The following APBA1 variants were observed in gnomAD, a reference collection of about 807,000 sequenced individuals.
APBA1 encodes the protein amyloid beta precursor protein binding family A member 1, also known as amyloid-beta A4 precursor protein-binding family A member 1.
Under a neutral mutation model 86.6 loss-of-function variants are expected in APBA1, and 55 were observed. The ratio of observed to expected loss-of-function variants is 0.64; its 90% CI spans 0.51 to 0.80. The LOEUF is 0.80. Among genes scored for constraint, APBA1 ranks in the 30% least tolerant of loss-of-function variants. APBA1 has a pLI of 0.00. For missense variants in APBA1, 1,090 were observed against 1,183.0 expected, an observed-to-expected ratio of 0.92 and a Z score of 1.15; for synonymous variants, 511 against 493.9, an observed-to-expected ratio of 1.03 and a Z score of -0.46.
intron 1 of APBA1, among the ~76,000 whole-genome samples, chr9:69,647,373 C>T (rs1382621276): frequency 6.6e-6 from 1 of 152,198 alleles, no homozygotes; most frequent in African/African-American, 2.4e-5. Flanking sequence ...GATAAAGTAT[C>T]TAAGTCTCAG....
chr9:69,613,133 AT>A (rs1822622363), intron 1 of APBA1, among the ~76,000 whole-genome samples: 1 of 152,074 alleles, frequency 6.6e-6, no homozygotes, highest in South Asian at 2.1e-4. Context: ...TTAGAAGGAA[AT>A]TATTTATGTC....
At chr9:69,450,436 G>A (rs1564033538) in intron 9 of APBA1, among the ~76,000 whole-genome samples, 1 of 152,118 alleles carries the variant, frequency 6.6e-6, no homozygotes. Context: ...ACTCTGGGGA[G>A]GCCTGCAGAT....
At chr9:69,669,839 G>A (rs56165701) in intron 1 of APBA1, among the ~76,000 whole-genome samples, 13,898 of 152,180 alleles carry the variant, frequency 0.091, 704 homozygotes, top group Middle Eastern at 0.13. Flanking sequence ...CTGAGTCATC[G>A]ATTTTGCTGC....
chr9:69,430,027 C>G lies in APBA1; in HGVS notation c.*1300G>C, dbSNP rs1264813182. The stretch of plus-strand genomic sequence containing the variant: ...CACCTGATGAAAACACGGAACAATT[C>G]CACACCAGCCAAAAATGCTCTCAGG... On this transcript the variant is annotated 3_prime_UTR_variant, in exon 13 of 13. Transcript: ENST00000265381. 6.6e-6 allele frequency: 1 copy of G among 152,142 alleles called. No individual in the cohort carries two copies. The highest frequency in any genetic ancestry group is 1.5e-5 in the Non-Finnish European group (1 of 68,034). The allele number at this position is 152,142 out of a possible 1,614,324, so 9.4% of individuals were successfully genotyped here.
At chr9:69,642,551 G>A (rs563294738) in intron 1 of APBA1, among the ~76,000 whole-genome samples, 10 of 152,216 alleles carry the variant, frequency 6.6e-5, no homozygotes, top group African/African-American at 1.2e-4. Context: ...TGGCAATCTA[G>A]TGGTTAATTT....
At chr9:69,658,712 C>T (rs1823693296) in intron 1 of APBA1, among the ~76,000 whole-genome samples, 1 of 151,952 alleles carries the variant, frequency 6.6e-6, no homozygotes, top group African/African-American at 2.4e-5. Flanking sequence ...TCCTCAAGTC[C>T]CTACTTTCAA....
At chr9:69,585,429 T>C (rs1821997751) in intron 1 of APBA1, among the ~76,000 whole-genome samples, 1 of 152,172 alleles carries the variant, frequency 6.6e-6, no homozygotes, top group African/African-American at 2.4e-5. Flanking sequence ...CTTCCTTCAT[T>C]CTTGCCAGGG....
intron 1 of APBA1, among the ~76,000 whole-genome samples, chr9:69,590,123 C>T (rs1822101925): frequency 1.3e-5 from 2 of 152,170 alleles, no homozygotes; most frequent in Admixed American, 1.3e-4. Context: ...AGTTTCTATC[C>T]CTGTGCTCAT....
intron 1 of APBA1, among the ~76,000 whole-genome samples, chr9:69,662,389 G>A (rs1475348261): frequency 1.3e-5 from 2 of 152,162 alleles, no homozygotes; most frequent in Non-Finnish European, 2.9e-5. Context: ...TTTAGTCACT[G>A]GATGGGGAAT....
chr9:69,498,504 G>A (rs750723949), intron 2 of APBA1, among the ~76,000 whole-genome samples: 1 of 152,116 alleles, frequency 6.6e-6, no homozygotes, highest in Non-Finnish European at 1.5e-5. Context: ...CACTAAATAA[G>A]GATTCAGATG....
At chr9:69,468,870 CT>C (rs5898082) in intron 4 of APBA1, among the ~76,000 whole-genome samples, 92 of 147,094 alleles carry the variant, frequency 6.3e-4, no homozygotes, top group Non-Finnish European at 4.9e-4. Context: ...TATTTTCTTT[CT>C]TTTTTTTTTT....
intron 1 of APBA1, among the ~76,000 whole-genome samples, chr9:69,641,691 GA>G (rs1195885895): frequency 1.3e-5 from 2 of 152,048 alleles, no homozygotes; most frequent in Non-Finnish European, 2.9e-5. Context: ...ATTCATATGT[GA>G]AAAAAATCAA....
At chr9:69,534,321 G>C (rs952185146) in intron 1 of APBA1, among the ~76,000 whole-genome samples, 1 of 152,118 alleles carries the variant, frequency 6.6e-6, no homozygotes, top group African/African-American at 2.4e-5. Flanking sequence ...AACTCTCCTT[G>C]CGTCTAGCTG....
At chr9:69,434,484 G>A (rs989919371) in intron 11 of APBA1, among the ~76,000 whole-genome samples, 1 of 152,042 alleles carries the variant, frequency 6.6e-6, no homozygotes, top group African/African-American at 2.4e-5. Context: ...AGAGGCAGGT[G>A]GATCACAAGG....
chr9:69,431,943 TAAATG>T (rs977101664), intron 12 of APBA1, among the ~76,000 whole-genome samples: 1 of 144,054 alleles, frequency 6.9e-6, no homozygotes, highest in Non-Finnish European at 1.5e-5. Context: ...ACAGCAGTGA[TAAATG>T]AATGACAGCA....
intron 1 of APBA1, among the ~76,000 whole-genome samples, chr9:69,581,288 A>C (rs1821908879): frequency 6.6e-6 from 1 of 152,194 alleles, no homozygotes. Context: ...TTCTGTTGCA[A>C]GTGAAAAGTA....
chr9:69,564,183 A>G (rs1836990759), intron 1 of APBA1, among the ~76,000 whole-genome samples: 1 of 152,216 alleles, frequency 6.6e-6, no homozygotes, highest in Non-Finnish European at 1.5e-5. Flanking sequence ...ACCCAAATGC[A>G]GTTAATCTGA....
intron 8 of APBA1, among the ~76,000 whole-genome samples, chr9:69,454,092 A>T (rs1835056308): frequency 6.6e-6 from 1 of 152,264 alleles, no homozygotes; most frequent in Non-Finnish European, 1.5e-5. Context: ...TTTTAAAAAC[A>T]CAATTCTAAC....
intron 1 of APBA1, among the ~76,000 whole-genome samples, chr9:69,539,986 G>A (rs1218444637): frequency 6.6e-6 from 1 of 152,132 alleles, no homozygotes; most frequent in African/African-American, 2.4e-5. Flanking sequence ...CAGGCATGGT[G>A]GTGTGTGCCT....
Sources: gnomAD v4.1 joint callset for allele counts (sites outside exome capture counted in the v4.1 genomes callset) on GRCh38, gnomAD v4.1.1 for gene constraint, MANE v1.5 for transcripts, NCBI Gene and HGNC (gene_info 2026-07-23, HGNC 2026-07-21) for gene names.